DNAH17: variants seen among roughly 807,000 people sequenced by gnomAD.
DNAH17 encodes the protein dynein axonemal heavy chain 17.
A neutral mutation model predicts 485.6 loss-of-function variants in DNAH17; 376 were observed. The observed-to-expected ratio is 0.77, with a 90% confidence interval of 0.71 to 0.84. The LOEUF is 0.84. Ranked by LOEUF, DNAH17 falls within the 40% of genes least tolerant of loss-of-function variation. The pLI, the probability that DNAH17 is intolerant of heterozygous loss-of-function variation, is 0.00. For synonymous variants in DNAH17, 3,031 were observed against 2,405.9 expected, an observed-to-expected ratio of 1.26 and a Z score of -7.60; for missense variants, 6,370 against 5,839.3, an observed-to-expected ratio of 1.09 and a Z score of -2.96.
chr17:78,493,945 G>C, intron 41 of DNAH17, 91 bp downstream of exon 41: 2 of 1,479,142 alleles, frequency 1.4e-6, no homozygotes, highest in Non-Finnish European at 1.8e-6. Context: ...GGGTCTCCGG[G>C]GTGGCGGGGA....
chr17:78,523,590 C>T (rs1211920112), intron 25 of DNAH17, among the ~76,000 whole-genome samples: 1 of 152,002 alleles, frequency 6.6e-6, no homozygotes, highest in African/African-American at 2.4e-5. Context: ...TGCAGTTCAC[C>T]AAGGAGGATA....
chr17:78,494,305 T>C, intron 40 of DNAH17, 132 bp from the exon 41 acceptor site: 1 of 1,322,008 alleles, frequency 7.6e-7, no homozygotes, highest in Non-Finnish European at 1.0e-6. Context: ...CACGTGCGTC[T>C]GCAAGTTCTG....
Position 78,491,448 on chromosome 17 carries a change from T to C in DNAH17, c.6664A>G (p.Asn2222Asp). 6.2e-7 allele frequency: 1 copy of C among 1,612,920 alleles called. No homozygotes were observed. The highest frequency in any genetic ancestry group is 8.5e-7 in the Non-Finnish European group (1 of 1,179,508). ...IESLNTVMDD[N>D]KVLTLASNER... is the part of the protein sequence containing the mutation. Reference sequence around the variant, plus strand: ...AGAGTCCAGGGCCCGCGAACCTTGTTGTCATCCATGACTGTGTTGAGAGAC... The same window carrying C: ...AGAGTCCAGGGCCCGCGAACCTTGTCGTCATCCATGACTGTGTTGAGAGAC... The change falls in exon 43 of 81, where the codon AAC becomes GAC. Residue 2222 changes from asparagine to aspartate, a missense_variant. By Grantham distance (23) the Asn-to-Asp change is conservative. Transcript: ENST00000389840.
At chr17:78,502,109 G>A (rs2090317718) in intron 33 of DNAH17, 5 of 550,440 alleles carry the variant, frequency 9.1e-6, no homozygotes, top group Middle Eastern at 2.7e-4. Context: ...TCAAGGCCAC[G>A]AGAGAGGGTG....
intron 26 of DNAH17, 84 bp from the exon 27 acceptor site, chr17:78,510,590 C>G: frequency 6.4e-7 from 1 of 1,562,862 alleles, no homozygotes; most frequent in Non-Finnish European, 8.8e-7. Flanking sequence ...TCATGGAGAG[C>G]CATTGCCGGG....
rs2146566983 is a variant in DNAH17 at position 78,468,818 on chromosome 17, T to C, written c.8577A>G (p.Thr2859=). Residue 2859 remains threonine, a synonymous_variant, in exon 55 of 81, where the codon ACA becomes ACG. Transcript: ENST00000389840. The stretch of plus-strand genomic sequence containing the variant: ...ACTGCTCCTCGGCCACCTGGGAGTC[T>C]GTCATCAGGAACACCGAGGGAACGT... ...VKNVPSVFLM[T]DSQVAEEQFL... The C allele has an allele frequency of 6.2e-7, 1 of 1,614,048 alleles. No homozygotes were observed. The highest frequency in any genetic ancestry group is 2.2e-5 in the East Asian group (1 of 44,882).
rs189218609 is a variant in DNAH17 at position 78,556,953 on chromosome 17, G to C, written c.2178+1155C>G. On this transcript the variant is annotated intron_variant, in intron 14 of 80. Coordinates refer to ENST00000389840, the MANE Select transcript of DNAH17 (RefSeq NM_173628.4). ...ATGATACCATTGCCCTCCGGTTCCC[G>C]ACTCGGCTTCCAGGGCCTCGTGCCA... Among the ~76,000 whole-genome samples, 35 of 152,322 alleles carry C rather than the reference G, an allele frequency of 2.3e-4. No homozygotes were observed. The South Asian group carries it at 3.3e-3, about 14-fold the overall frequency.
chr17:78,440,366 C>T (rs908770245), intron 72 of DNAH17, among the ~76,000 whole-genome samples: 6 of 150,872 alleles, frequency 4.0e-5, no homozygotes, highest in Non-Finnish European at 7.4e-5. Flanking sequence ...AAGTGATCCT[C>T]CCACCTCAGC....
Position 78,486,144 on chromosome 17 carries a change from A to G in DNAH17, c.7102-11T>C, listed in dbSNP as rs768930276. 1 of 1,611,146 alleles carries G rather than the reference A, an allele frequency of 6.2e-7. No individual in the cohort carries two copies. Among genetic ancestry groups the G allele is most frequent in the Non-Finnish European group, 8.5e-7 (1 of 1,178,172 alleles). On this transcript the variant is annotated splice_polypyrimidine_tract_variant and intron_variant, in intron 45 of 80. Transcript: ENST00000389840. The stretch of plus-strand genomic sequence containing the variant: ...TCGATAATCCACAAGCTGTTGAGAC[A>G]CAGAAGTAAAAATCAGGGCCCAGCT...
Position 78,551,576 on chromosome 17 carries a change from T to G in DNAH17, c.2350A>C (p.Lys784Gln). 6.2e-7 allele frequency: 1 copy of G among 1,614,032 alleles called. No homozygotes were observed. The highest frequency in any genetic ancestry group is 8.5e-7 in the Non-Finnish European group (1 of 1,179,898). The change falls in exon 16 of 81, where the codon AAG (lysine) becomes CAG (glutamine). Residue 784 changes from lysine to glutamine, a missense_variant. Lys to Gln is a moderately conservative substitution (Grantham distance 53). Transcript: ENST00000389840. ...ATTCCTTCTATATTTTGTTTTGCCT[T>G]TTGCATCCTGTTCTGCAAGTTGTGC... ...ILHNLQNRMQ[K>Q]AKQNIEGISQ...
chr17:78,459,696 C>G, intron 60 of DNAH17, 88 bp downstream of exon 60: 1 of 1,464,164 alleles, frequency 6.8e-7, no homozygotes, highest in Non-Finnish European at 9.5e-7. Flanking sequence ...CCCCAAGAGC[C>G]TGAGGCCATG....
At position 78,459,868 on chromosome 17, in the gene DNAH17, A is replaced by G; in HGVS notation, c.9569T>C (p.Met3190Thr). The change falls in exon 60 of 81, where the codon ATG becomes ACG. Residue 3190 changes from methionine to threonine, a missense_variant. Met to Thr is a moderately conservative substitution (Grantham distance 81, BLOSUM62 -1). Coordinates refer to ENST00000389840, the MANE Select transcript of DNAH17 (RefSeq NM_173628.4). ...TAGGAAGGTGTCCACCTTGCCCATC[A>G]TGATCTTGGCCGCCTTCCAGCTCTT... ...KDKSWKAAKI[M>T]MGKVDTFLDS... 6.2e-7 allele frequency: 1 copy of G among 1,614,038 alleles called. No individual in the cohort carries two copies. Among genetic ancestry groups the G allele is most frequent in the Non-Finnish European group, 8.5e-7 (1 of 1,179,900 alleles).
In DNAH17 at chr17:78,466,688, G is replaced by A. The variant is rs691225; in HGVS notation, c.8907C>T (p.Ser2969=). ...EWPEDALVSV[S]ARFLEETEGI... is the part of the protein sequence containing the mutation. The stretch of plus-strand genomic sequence containing the variant: ...CCTCAGTCTCCTCCAGGAAGCGGGC[G>A]CTGACGGACACCAGCGCATCTTCCG... Residue 2969 remains serine, a synonymous_variant, in exon 56 of 81, where the codon AGC becomes AGT. Coordinates refer to ENST00000389840, the MANE Select transcript of DNAH17 (RefSeq NM_173628.4). The A allele has an allele frequency of 0.76, 1,219,450 of 1,611,012 alleles. 468,641 individuals carry two copies. Among genetic ancestry groups the A allele is most frequent in the East Asian group, 0.82 (36,660 of 44,702 alleles).
intron 56 of DNAH17, 100 bp from the exon 57 acceptor site, chr17:78,463,177 G>A: frequency 1.8e-6 from 2 of 1,083,874 alleles, no homozygotes; most frequent in Non-Finnish European, 2.7e-6. Context: ...AAGGTGCCCT[G>A]AGACCGCTCT....
intron 51 of DNAH17, among the ~76,000 whole-genome samples, chr17:78,477,944 ACCATTATCATCT>A (rs1292585249): frequency 1.3e-5 from 2 of 148,834 alleles, no homozygotes; most frequent in Non-Finnish European, 3.0e-5. Flanking sequence ...CACCACCATC[ACCATTATCATCT>A]CCACCATCAC....
Position 78,572,741 on chromosome 17 carries a change from G to T in DNAH17, c.499C>A (p.His167Asn). The T allele has an allele frequency of 6.2e-7, 1 of 1,612,126 alleles. No individual in the cohort carries two copies. The highest frequency in any genetic ancestry group is 1.1e-5 in the South Asian group (1 of 90,552). Reference sequence around the variant, plus strand: ...AGCGTGCCATCCAGGCTGCCCAGGTGCTCCGGAATAGGCAGCAAGGTTTTG... The same window carrying T: ...AGCGTGCCATCCAGGCTGCCCAGGTTCTCCGGAATAGGCAGCAAGGTTTTG... The part of the protein sequence containing the change: ...KGKTLLPIPE[H>N]LGSLDGTLES... Residue 167 changes from histidine to asparagine, a missense_variant, in exon 3 of 81, where the codon CAC becomes AAC. Transcript: ENST00000389840.
At chr17:78,574,253 G>T (rs1387502949) in intron 2 of DNAH17, among the ~76,000 whole-genome samples, 1 of 152,176 alleles carries the variant, frequency 6.6e-6, no homozygotes, top group African/African-American at 2.4e-5. Flanking sequence ...AGTTTGGGAG[G>T]TTGAGGCAGG....
chr17:78,480,823 G>A, intron 48 of DNAH17, 37 bp from the exon 49 acceptor site: 2 of 1,505,640 alleles, frequency 1.3e-6, no homozygotes, highest in Non-Finnish European at 9.2e-7. Flanking sequence ...TGTGCCCCTG[G>A]CCTGGAGGAA....
chr17:78,432,207 A>T (rs149674374), intron 75 of DNAH17, among the ~76,000 whole-genome samples: 55 of 107,820 alleles, frequency 5.1e-4, no homozygotes, highest in African/African-American at 9.1e-4. Context: ...AATAAATAAA[A>T]TAAATAAAAA....
Sources: gnomAD v4.1 joint callset for allele counts (sites outside exome capture counted in the v4.1 genomes callset) on GRCh38, gnomAD v4.1.1 for gene constraint, MANE v1.5 for transcripts, NCBI Gene and HGNC (gene_info 2026-07-23, HGNC 2026-07-21) for gene names.